CSMD1: variants seen among roughly 807,000 people sequenced by gnomAD.
The protein encoded by CSMD1 is CUB and sushi domain-containing protein 1.
A neutral mutation model predicts 417.5 loss-of-function variants in CSMD1; 213 were observed. The observed-to-expected ratio is 0.51, with a 90% CI of 0.46 to 0.57. The LOEUF (loss-of-function observed/expected upper bound fraction) is 0.57, where lower values mean the gene tolerates loss of function less well. Ranked by LOEUF, CSMD1 falls within the 20% of genes least tolerant of loss-of-function variation. The probability of loss-of-function intolerance (pLI) is 0.00; values close to 1 mark genes in which losing one functional copy is unlikely to be tolerated. For synonymous variants in CSMD1, 2,862 were observed against 1,736.8 expected (o/e 1.65, Z -16.11); for missense variants, 6,923 against 4,529.7 (o/e 1.53, Z -15.17).
chr8:3,406,285 AAAG>A (rs1812337393), intron 14 of CSMD1, 64 bp from the exon 15 acceptor site: 9 of 1,343,582 alleles, frequency 6.7e-6, no homozygotes, highest in East Asian at 2.5e-5. Flanking sequence ...ATGTATTAAA[AAAG>A]AAGAAAACAG....
chr8:4,139,012 A>C (rs77793817), intron 3 of CSMD1, among the ~76,000 whole-genome samples: 2 of 151,964 alleles, frequency 1.3e-5, no homozygotes, highest in Non-Finnish European at 2.9e-5. Context: ...CACATGCAGA[A>C]AGGACATATG....
chr8:3,464,765 C>T (rs1816705705), intron 12 of CSMD1, among the ~76,000 whole-genome samples: 1 of 152,026 alleles, frequency 6.6e-6, no homozygotes, highest in Admixed American at 6.6e-5. Flanking sequence ...AATTAATTTA[C>T]ATCCTGCTTC....
At chr8:3,275,783 C>T (rs1276752956) in intron 26 of CSMD1, among the ~76,000 whole-genome samples, 1 of 152,168 alleles carries the variant, frequency 6.6e-6, no homozygotes, top group African/African-American at 2.4e-5. Context: ...GCTCCATCAG[C>T]TCCTTTAAGC....
chr8:3,096,958 G>C lies in CSMD1; in HGVS notation c.7029C>G (p.Asn2343Lys). 1.3e-6 allele frequency: 2 copies of C among 1,555,322 alleles called. No homozygotes were observed. The highest frequency in any genetic ancestry group is 1.2e-5 in the South Asian group (1 of 84,316). Residue 2343 changes from asparagine to lysine, a missense_variant, in exon 47 of 70, where the codon AAC (asparagine) becomes AAG (lysine). By Grantham distance (94) the Asn-to-Lys change is moderately conservative. Coordinates refer to ENST00000635120, the MANE Select transcript of CSMD1 (RefSeq NM_033225.6). ...TAATACTCCAAGAGCAAGTCTGGGA[G>C]TTAAAATAATTACCCGGATACCCTG... The part of the protein sequence containing the change: ...LSPGYPGNYF[N>K]SQTCSWSIKV...
intron 2 of CSMD1, among the ~76,000 whole-genome samples, chr8:4,483,940 T>C (rs528855929): frequency 1.3e-5 from 2 of 152,312 alleles, no homozygotes; most frequent in Admixed American, 6.5e-5. Context: ...TGTTGTATAA[T>C]GTCGTTGTCT....
At chr8:3,181,055 A>T (rs1821289875) in intron 37 of CSMD1, 55 bp downstream of exon 37, 1 of 1,073,122 alleles carries the variant, frequency 9.3e-7, no homozygotes, top group South Asian at 1.4e-5. Flanking sequence ...TTTTTTCTTT[A>T]AAAAAATGAC....
At chr8:3,590,004 G>A (rs1338861838) in intron 8 of CSMD1, among the ~76,000 whole-genome samples, 1 of 152,140 alleles carries the variant, frequency 6.6e-6, no homozygotes, top group African/African-American at 2.4e-5. Flanking sequence ...TCCAACAACA[G>A]GACTGTGCTT....
chr8:4,008,764 C>G (rs1337751508), intron 4 of CSMD1, among the ~76,000 whole-genome samples: 1 of 151,818 alleles, frequency 6.6e-6, no homozygotes, highest in Non-Finnish European at 1.5e-5. Flanking sequence ...GCATCCGGCA[C>G]CACGCCTGGC....
chr8:4,655,686 T>A (rs1804188124), intron 1 of CSMD1, among the ~76,000 whole-genome samples: 2 of 151,952 alleles, frequency 1.3e-5, no homozygotes, highest in Admixed American at 6.5e-5. Context: ...ATGGAAAAGG[T>A]AACTAGGACA....
chr8:4,191,459 A>G (rs1187069377), intron 3 of CSMD1, among the ~76,000 whole-genome samples: 2 of 152,146 alleles, frequency 1.3e-5, no homozygotes, highest in Admixed American at 1.3e-4. Flanking sequence ...AAAAAAATTG[A>G]ACAAGATAGA....
At chr8:3,128,400 T>G (rs1044748535) in intron 41 of CSMD1, 2 of 154,926 alleles carry the variant, frequency 1.3e-5, no homozygotes, top group African/African-American at 4.8e-5. Flanking sequence ...ACGTCTATAG[T>G]AACATCTCTG....
At chr8:4,120,569 G>A (rs751837689) in intron 3 of CSMD1, among the ~76,000 whole-genome samples, 16 of 152,310 alleles carry the variant, frequency 1.1e-4, no homozygotes, top group Non-Finnish European at 2.1e-4. Flanking sequence ...GCGACCGGGA[G>A]GCTTTCAAAT....
At chr8:3,455,093 A>G (rs1251624331) in intron 12 of CSMD1, among the ~76,000 whole-genome samples, 2 of 151,956 alleles carry the variant, frequency 1.3e-5, no homozygotes, top group Non-Finnish European at 2.9e-5. Flanking sequence ...CTTTCTTTCT[A>G]TCGATCGAAT....
intron 2 of CSMD1, among the ~76,000 whole-genome samples, chr8:4,591,015 T>C (rs1040555863): frequency 1.3e-5 from 2 of 152,210 alleles, no homozygotes; most frequent in East Asian, 1.9e-4. Flanking sequence ...CCTTCTTCCC[T>C]GCTGTCAATC....
At chr8:3,491,215 A>C (rs1301689458) in intron 11 of CSMD1, among the ~76,000 whole-genome samples, 1 of 152,148 alleles carries the variant, frequency 6.6e-6, no homozygotes, top group Non-Finnish European at 1.5e-5. Flanking sequence ...ACAGGCGATA[A>C]AGACTCAAGA....
intron 1 of CSMD1, among the ~76,000 whole-genome samples, chr8:4,990,709 C>G (rs1290032556): frequency 6.6e-6 from 1 of 152,122 alleles, no homozygotes; most frequent in Non-Finnish European, 1.5e-5. Context: ...AAAGTATCTT[C>G]TTCACAGGAG....
chr8:4,516,504 C>A (rs932139337), intron 2 of CSMD1, among the ~76,000 whole-genome samples: 3 of 152,102 alleles, frequency 2.0e-5, no homozygotes, highest in Non-Finnish European at 2.9e-5. Context: ...TCTATGATCC[C>A]CCTTCCTTGG....
chr8:3,548,836 G>T (rs1585344972), intron 10 of CSMD1, among the ~76,000 whole-genome samples: 1 of 152,036 alleles, frequency 6.6e-6, no homozygotes, highest in Non-Finnish European at 1.5e-5. Context: ...ACCCTTGCTA[G>T]GAGGGCAGGC....
At chr8:4,452,414 C>G (rs1029749424) in intron 2 of CSMD1, among the ~76,000 whole-genome samples, 8 of 152,186 alleles carry the variant, frequency 5.3e-5, no homozygotes, top group African/African-American at 1.9e-4. Flanking sequence ...GGTTCATGTT[C>G]TTACACGGTG....
Sources: allele counts gnomAD v4.1 joint callset (sites outside exome capture counted in the v4.1 genomes callset), GRCh38; gene constraint gnomAD v4.1.1; transcripts MANE v1.5; gene names NCBI Gene and HGNC (gene_info 2026-07-23, HGNC 2026-07-21).